RARB: variants seen among roughly 807,000 people sequenced by gnomAD.
RARB encodes the protein retinoic acid receptor beta, also known as HBV-activated protein.
In RARB, 17 loss-of-function variants were observed where a neutral mutation model predicts 51.9. That is an observed-to-expected ratio of 0.33 (90% CI 0.22 to 0.49). The LOEUF is 0.49. Ranked by LOEUF, RARB falls within the 20% of genes least tolerant of loss-of-function variation. The probability of loss-of-function intolerance (pLI) is 0.99; values close to 1 mark genes in which losing one functional copy is unlikely to be tolerated. For missense variants in RARB, 369 were observed against 550.8 expected (o/e 0.67, Z 3.30); for synonymous variants, 215 against 195.4 (o/e 1.10, Z -0.84).
chr3:24,864,721 T>C (rs1702816442), intron 2 of RARB, among the ~76,000 whole-genome samples: 1 of 69,600 alleles, frequency 1.4e-5, no homozygotes, highest in Non-Finnish European at 2.5e-5. Flanking sequence ...ATTTTTTAAG[T>C]ATTTTTTTTA....
intron 2 of RARB, among the ~76,000 whole-genome samples, chr3:24,912,975 C>CTTTGTTTTTTTTTTTTTTTTTTTT (rs1695023038): frequency 1.3e-5 from 1 of 75,066 alleles, no homozygotes; most frequent in African/African-American, 4.5e-5. Context: ...GGTACTGATT[C>CTTTGTTTTTTTTTTTTTTTTTTTT]TTTTTTTTTT....
At chr3:25,113,048 T>G (rs1019688890) in intron 3 of RARB, among the ~76,000 whole-genome samples, 1 of 152,192 alleles carries the variant, frequency 6.6e-6, no homozygotes, top group Non-Finnish European at 1.5e-5. Context: ...TTGTTCTGAC[T>G]TGCTGTTTAT....
intron 5 of RARB, among the ~76,000 whole-genome samples, chr3:25,380,728 T>C (rs762943462): frequency 1.6e-4 from 24 of 152,322 alleles, no homozygotes; most frequent in Admixed American, 3.3e-4. Context: ...TGCCCAATTA[T>C]AGCAACTGGA....
At chr3:25,224,690 C>G (rs1264131606) in intron 5 of RARB, among the ~76,000 whole-genome samples, 1 of 152,096 alleles carries the variant, frequency 6.6e-6, no homozygotes, top group African/African-American at 2.4e-5. Flanking sequence ...TCACTGTAAC[C>G]TCAACCTCCT....
intron 5 of RARB, among the ~76,000 whole-genome samples, chr3:25,307,920 A>C (rs1215677855): frequency 6.6e-6 from 1 of 152,242 alleles, no homozygotes; most frequent in East Asian, 1.9e-4. Flanking sequence ...GGCTGGTTTT[A>C]TACTACAGCA....
chr3:25,484,885 G>C (rs1308935973), intron 2 of RARB, among the ~76,000 whole-genome samples: 2 of 152,020 alleles, frequency 1.3e-5, no homozygotes, highest in Non-Finnish European at 2.9e-5. Context: ...ACGAATGCTG[G>C]AGTACAACTG....
intron 2 of RARB, among the ~76,000 whole-genome samples, chr3:25,037,968 C>T (rs920991390): frequency 6.6e-6 from 1 of 152,098 alleles, no homozygotes; most frequent in Non-Finnish European, 1.5e-5. Context: ...TGTTTAAACC[C>T]CCTAGCCATG....
chr3:25,519,665 T>G (rs1347459), intron 3 of RARB, among the ~76,000 whole-genome samples: 6,903 of 152,258 alleles, frequency 0.045, 564 homozygotes, highest in African/African-American at 0.16. Context: ...TGCCACGTTT[T>G]TTAAGCTTAC....
rs111668399 is a variant in RARB at position 25,245,984 on chromosome 3, A to T, written c.178+71409A>T. Among the ~76,000 whole-genome samples, 475 of 151,950 alleles carry T rather than the reference A, an allele frequency of 3.1e-3. 4 individuals are homozygous for T. The highest frequency in any genetic ancestry group is 0.011 in the African/African-American group (458 of 41,434). ...CAAACGTGGGTTTGGTCTTTTCACA[A>T]AGTCCTATATTTCTTGGAGGCTTTG... On this transcript the variant is annotated intron_variant, in intron 5 of 11. Transcript: ENST00000383772.
chr3:25,420,977 A>G (rs1707839933), intron 5 of RARB, among the ~76,000 whole-genome samples: 1 of 148,310 alleles, frequency 6.7e-6, no homozygotes, highest in South Asian at 2.2e-4. Context: ...GCTGAGGCTC[A>G]ACACCACTTA....
intron 4 of RARB, among the ~76,000 whole-genome samples, chr3:25,171,643 T>TAAAAAAAAGAAAAAAAA (rs1700648133): frequency 2.2e-5 from 1 of 45,462 alleles, no homozygotes; most frequent in Non-Finnish European, 4.0e-5. Flanking sequence ...CCCTGGTTGG[T>TAAAAAAAAGAAAAAAAA]AAAAAAAAAA....
intron 2 of RARB, among the ~76,000 whole-genome samples, chr3:24,995,230 T>TG (rs1553621550): frequency 2.6e-3 from 152 of 58,726 alleles, no homozygotes; most frequent in African/African-American, 0.013. Flanking sequence ...TATTTCCAGG[T>TG]GTTTTTTTTT....
chr3:25,072,150 C>T (rs1289326885), intron 3 of RARB, among the ~76,000 whole-genome samples: 2 of 152,182 alleles, frequency 1.3e-5, no homozygotes, highest in Non-Finnish European at 2.9e-5. Flanking sequence ...TCTGTTCTGC[C>T]TCAGTCCTCT....
intron 3 of RARB, among the ~76,000 whole-genome samples, chr3:25,528,390 T>C (rs17525900): frequency 0.12 from 18,164 of 151,982 alleles, 1,134 homozygotes; most frequent in Admixed American, 0.16. Flanking sequence ...TATAACATTT[T>C]AGTGGCACCA....
At chr3:24,861,267 G>A (rs1285190474) in intron 2 of RARB, among the ~76,000 whole-genome samples, 1 of 152,152 alleles carries the variant, frequency 6.6e-6, no homozygotes, top group Non-Finnish European at 1.5e-5. Context: ...ATGGGGAAAT[G>A]TACATAGATT....
At chr3:25,527,728 A>C (rs1489746530) in intron 3 of RARB, among the ~76,000 whole-genome samples, 4 of 152,190 alleles carry the variant, frequency 2.6e-5, no homozygotes, top group African/African-American at 9.6e-5. Flanking sequence ...TGCTCTTGGC[A>C]TTCCTCTAAC....
At chr3:25,210,525 G>C in intron 5 of RARB, among the ~76,000 whole-genome samples, 1 of 40,550 alleles carries the variant, frequency 2.5e-5, no homozygotes, top group Admixed American at 3.7e-4. Flanking sequence ...ATCTTTATCT[G>C]ATTCTTTTTT....
intron 5 of RARB, among the ~76,000 whole-genome samples, chr3:25,174,997 C>G (rs1386715540): frequency 6.6e-6 from 1 of 152,126 alleles, no homozygotes; most frequent in Non-Finnish European, 1.5e-5. Flanking sequence ...TTACTTGTTT[C>G]CTGTGTACAA....
chr3:25,586,632 C>T lies in RARB; in HGVS notation c.786+5910C>T, dbSNP rs565799361. On this transcript the variant is annotated intron_variant, in intron 5 of 7. Transcript: ENST00000330688. ...GAAAATATTCCCATGCCAGTCACAG[C>T]AGCACCCTCCTTCTGGTGACGCAAA... Among the ~76,000 whole-genome samples the T allele has an allele frequency of 2.6e-5, 4 of 152,336 alleles. No individual in the cohort carries two copies. In the South Asian group the frequency reaches 8.3e-4, roughly 32 times the overall value.
Sources: gnomAD v4.1 joint callset for allele counts (sites outside exome capture counted in the v4.1 genomes callset) on GRCh38, gnomAD v4.1.1 for gene constraint, MANE v1.5 for transcripts, NCBI Gene and HGNC (gene_info 2026-07-23, HGNC 2026-07-21) for gene names.